The following NBEA variants were observed in gnomAD, a reference collection of about 807,000 sequenced individuals.
NBEA encodes the protein neurobeachin, also known as lysosomal-trafficking regulator 2.
NBEA carries 44 observed loss-of-function variants against 343.4 expected under a neutral mutation model. The observed-to-expected ratio is 0.13, with a 90% CI of 0.10 to 0.16. NBEA has a LOEUF of 0.16. NBEA is among the 10% of genes least tolerant of loss of function. The pLI is 1.00. For missense variants in NBEA, 2,555 were observed against 3,631.3 expected (o/e 0.70, Z 7.62); for synonymous variants, 1,175 against 1,238.7 (o/e 0.95, Z 1.08).
intron 47 of NBEA, among the ~76,000 whole-genome samples, chr13:35,594,600 G>T (rs935169521): frequency 3.9e-5 from 6 of 152,028 alleles, no homozygotes; most frequent in Non-Finnish European, 8.8e-5. Flanking sequence ...AGTTCTAACG[G>T]TCTTACAACT....
chr13:34,961,586 T>C (rs2059663513), intron 1 of NBEA, among the ~76,000 whole-genome samples: 1 of 152,088 alleles, frequency 6.6e-6, no homozygotes, highest in Non-Finnish European at 1.5e-5. Context: ...CCACAAACTT[T>C]TATTGATTAC....
chr13:35,532,454 A>C (rs1027955739), intron 41 of NBEA, among the ~76,000 whole-genome samples: 2 of 152,136 alleles, frequency 1.3e-5, no homozygotes, highest in Non-Finnish European at 2.9e-5. Flanking sequence ...TTGAACATGC[A>C]TTAAATATGC....
intron 49 of NBEA, among the ~76,000 whole-genome samples, chr13:35,628,956 C>G (rs1361383572): frequency 6.6e-6 from 1 of 152,028 alleles, no homozygotes; most frequent in Non-Finnish European, 1.5e-5. Flanking sequence ...ATATTTCTAC[C>G]TTTTAGACAG....
rs557466420 is a variant in NBEA, at chr13:35,472,020, G to T, written c.6449-380G>T. On this transcript the variant is annotated intron_variant, in intron 40 of 58. Coordinates refer to ENST00000379939, the MANE Select transcript of NBEA (RefSeq NM_001385012.1). ...CGGCTTCGCGCGATGGCTGGTCTTGGGGGCAGTGCTGACTGCCTAGGGTCT... is the reference window on the plus strand; with the variant it reads ...CGGCTTCGCGCGATGGCTGGTCTTGTGGGCAGTGCTGACTGCCTAGGGTCT... 3.3e-5 allele frequency among the ~76,000 whole-genome samples: 5 copies of T among 152,192 alleles called. No homozygotes were observed. In the South Asian group the frequency reaches 1.0e-3, roughly 32 times the overall value.
chr13:34,974,057 A>G (rs906734638), intron 1 of NBEA, among the ~76,000 whole-genome samples: 2 of 152,172 alleles, frequency 1.3e-5, no homozygotes, highest in African/African-American at 4.8e-5. Context: ...CCGTGGGAGA[A>G]GCATGGCATG....
At chr13:35,064,636 C>T (rs1279353903) in intron 8 of NBEA, among the ~76,000 whole-genome samples, 3 of 151,806 alleles carry the variant, frequency 2.0e-5, no homozygotes, top group Non-Finnish European at 2.9e-5. Context: ...CTCAGTAGCC[C>T]GTAATCTGAC....
chr13:35,444,475 A>C (rs1566142492), intron 39 of NBEA, among the ~76,000 whole-genome samples: 2 of 152,052 alleles, frequency 1.3e-5, no homozygotes, highest in Non-Finnish European at 2.9e-5. Context: ...TATTCTACTA[A>C]AAGAGTGGTA....
intron 51 of NBEA, among the ~76,000 whole-genome samples, chr13:35,647,902 G>T (rs775301129): frequency 5.3e-5 from 8 of 151,878 alleles, no homozygotes; most frequent in Non-Finnish European, 8.8e-5. Context: ...TTAAGATAGG[G>T]TCTCACTCTG....
chr13:34,951,047 G>A (rs2059335191), intron 1 of NBEA, among the ~76,000 whole-genome samples: 1 of 152,056 alleles, frequency 6.6e-6, no homozygotes, highest in Non-Finnish European at 1.5e-5. Context: ...TGCTCTTTCT[G>A]GGCTCGTAAA....
chr13:35,001,445 A>G (rs971175580), intron 1 of NBEA, among the ~76,000 whole-genome samples: 1 of 152,188 alleles, frequency 6.6e-6, no homozygotes, highest in Non-Finnish European at 1.5e-5. Context: ...AGATGAATGG[A>G]TAAAGAAAAT....
intron 28 of NBEA, among the ~76,000 whole-genome samples, chr13:35,181,998 A>AT (rs1359341762): frequency 2.0e-5 from 3 of 151,552 alleles, no homozygotes; most frequent in Non-Finnish European, 4.4e-5. Flanking sequence ...AAAACCCTTG[A>AT]TTTTTTTAAA....
chr13:35,147,511 T>A (rs1344397355), intron 18 of NBEA, among the ~76,000 whole-genome samples: 1 of 152,000 alleles, frequency 6.6e-6, no homozygotes, highest in East Asian at 1.9e-4. Flanking sequence ...AGGGCTCAGT[T>A]CCCTTGGTAG....
At chr13:34,991,780 G>T (rs1016738374) in intron 1 of NBEA, among the ~76,000 whole-genome samples, 1 of 151,934 alleles carries the variant, frequency 6.6e-6, no homozygotes, top group Non-Finnish European at 1.5e-5. Context: ...ATAAGTTTCC[G>T]TCTTGTATCA....
chr13:35,034,160 C>CT (rs1163749507), intron 1 of NBEA, among the ~76,000 whole-genome samples: 2 of 151,608 alleles, frequency 1.3e-5, no homozygotes, highest in Non-Finnish European at 3.0e-5. Flanking sequence ...GTAGTATATG[C>CT]TTTTTGTTGT....
intron 46 of NBEA, among the ~76,000 whole-genome samples, chr13:35,586,220 GTCTTC>G (rs1171356946): frequency 6.6e-6 from 1 of 152,092 alleles, no homozygotes; most frequent in Non-Finnish European, 1.5e-5. Flanking sequence ...TAGTTTGTAG[GTCTTC>G]CTTAGGCATT....
chr13:35,469,370 A>G (rs913734145), intron 40 of NBEA, among the ~76,000 whole-genome samples: 1 of 152,156 alleles, frequency 6.6e-6, no homozygotes, highest in African/African-American at 2.4e-5. Flanking sequence ...AAGATTCATT[A>G]TGCTTGGGCG....
intron 24 of NBEA, chr13:35,165,089 C>A: frequency 1.9e-6 from 1 of 534,048 alleles, no homozygotes; most frequent in Middle Eastern, 3.2e-4. Flanking sequence ...TCCCATATTA[C>A]CCACGTTCTT....
chr13:35,561,572 A>C (rs186799709), intron 44 of NBEA, among the ~76,000 whole-genome samples: 1 of 152,274 alleles, frequency 6.6e-6, no homozygotes, highest in Non-Finnish European at 1.5e-5. Context: ...TTTTAGTATG[A>C]AATGCAAAGT....
intron 1 of NBEA, among the ~76,000 whole-genome samples, chr13:35,017,371 T>C (rs191674972): frequency 6.6e-6 from 1 of 152,168 alleles, no homozygotes; most frequent in Non-Finnish European, 1.5e-5. Flanking sequence ...GTTTAGTGCC[T>C]GTTATAAGAA....
Sources: allele counts gnomAD v4.1 joint callset (sites outside exome capture counted in the v4.1 genomes callset), GRCh38; gene constraint gnomAD v4.1.1; transcripts MANE v1.5; gene names NCBI Gene and HGNC (gene_info 2026-07-23, HGNC 2026-07-21).